The following AKAIN1 variants were observed in gnomAD, a reference collection of about 807,000 sequenced individuals.
AKAIN1 encodes the protein A-kinase anchor inhibitor 1.
In AKAIN1, 3 loss-of-function variants were observed where a neutral mutation model predicts 3.7. The observed-to-expected ratio is 0.82, with a 90% CI of 0.37 to 2.12. The LOEUF is 2.12. Among genes scored for constraint, AKAIN1 ranks in the 30% most tolerant of loss-of-function variants. The probability of loss-of-function intolerance (pLI) is 0.06; values close to 1 mark genes in which losing one functional copy is unlikely to be tolerated. For synonymous variants in AKAIN1, 31 were observed against 30.8 expected, an observed-to-expected ratio of 1.01 and a Z score of -0.02; for missense variants, 82 against 82.7, an observed-to-expected ratio of 0.99 and a Z score of 0.03.
At chr18:5,176,191 A>T (rs1368293973) in intron 1 of AKAIN1, among the ~76,000 whole-genome samples, 1 of 152,102 alleles carries the variant, frequency 6.6e-6, no homozygotes, top group Admixed American at 6.6e-5. Flanking sequence ...GTAATCCCAG[A>T]ACTTCAGGAG....
chr18:5,158,781 T>G (rs1598306945), intron 1 of AKAIN1, among the ~76,000 whole-genome samples: 1 of 152,242 alleles, frequency 6.6e-6, no homozygotes, highest in East Asian at 1.9e-4. Flanking sequence ...TCTGTAGTCA[T>G]GAGCCTGTGC....
chr18:5,162,855 T>G (rs2071147650), intron 1 of AKAIN1, among the ~76,000 whole-genome samples: 1 of 151,626 alleles, frequency 6.6e-6, no homozygotes. Flanking sequence ...ACAGGAAAGG[T>G]CAGGTCTAAG....
At chr18:5,189,941 T>C (rs952362324) in intron 1 of AKAIN1, among the ~76,000 whole-genome samples, 1 of 152,192 alleles carries the variant, frequency 6.6e-6, no homozygotes, top group African/African-American at 2.4e-5. Context: ...TTTTCTGTCT[T>C]AGTTCATTTG....
At chr18:5,159,174 CT>C (rs36002870) in intron 1 of AKAIN1, among the ~76,000 whole-genome samples, 23,111 of 146,250 alleles carry the variant, frequency 0.16, 1,974 homozygotes, top group Non-Finnish European at 0.2. Context: ...TGTTTTACGT[CT>C]TTTTTTTTTT....
At chr18:5,161,402 T>TCAC (rs1478495289) in intron 1 of AKAIN1, among the ~76,000 whole-genome samples, 2 of 152,164 alleles carry the variant, frequency 1.3e-5, no homozygotes, top group African/African-American at 4.8e-5. Flanking sequence ...TTCAGAAAAC[T>TCAC]CACCAACTTC....
intron 1 of AKAIN1, among the ~76,000 whole-genome samples, chr18:5,195,857 C>T (rs1376734073): frequency 6.6e-6 from 1 of 152,080 alleles, no homozygotes; most frequent in Non-Finnish European, 1.5e-5. Context: ...CCTGGGCATT[C>T]CTTTAAGGCG....
chr18:5,152,359 A>T (rs567247405), intron 1 of AKAIN1, among the ~76,000 whole-genome samples: 1 of 152,308 alleles, frequency 6.6e-6, no homozygotes, highest in East Asian at 1.9e-4. Context: ...TCGGTATGAG[A>T]ATGCAACATC....
intron 1 of AKAIN1, among the ~76,000 whole-genome samples, chr18:5,178,275 G>A (rs1271910747): frequency 1.3e-5 from 2 of 152,080 alleles, no homozygotes; most frequent in African/African-American, 4.8e-5. Context: ...GACAACCTGG[G>A]CATGGATGGT....
At chr18:5,178,310 G>A (rs532491421) in intron 1 of AKAIN1, among the ~76,000 whole-genome samples, 24 of 152,160 alleles carry the variant, frequency 1.6e-4, no homozygotes, top group Non-Finnish European at 3.4e-4. Flanking sequence ...ATACTCTGGA[G>A]GCTGAAGCAG....
intron 1 of AKAIN1, among the ~76,000 whole-genome samples, chr18:5,169,218 T>C (rs768990605): frequency 3.3e-5 from 5 of 152,122 alleles, no homozygotes; most frequent in Non-Finnish European, 5.9e-5. Flanking sequence ...CTTCAACTGG[T>C]TGGATAAGAC....
chr18:5,172,575 T>C (rs989419447), intron 1 of AKAIN1, among the ~76,000 whole-genome samples: 3 of 152,116 alleles, frequency 2.0e-5, no homozygotes, highest in Non-Finnish European at 4.4e-5. Context: ...ACATAATTTT[T>C]ATGTAACTAT....
At position 5,180,762 on chromosome 18, in the gene AKAIN1, A is replaced by T. The variant is rs138239739; in HGVS notation, c.16+16276T>A. ...ATAATTTCCTTTTTTATTCCCCCCA[A>T]AATGCAAAAATAAAATGGGAAGGCA... On this transcript the variant is annotated intron_variant, in intron 1 of 1. Transcript: ENST00000434239. Among the ~76,000 whole-genome samples the T allele has an allele frequency of 3.6e-3, 555 of 152,172 alleles. 3 individuals carry two copies. Among genetic ancestry groups the T allele is most frequent in the African/African-American group, 0.013 (528 of 41,540 alleles).
intron 1 of AKAIN1, among the ~76,000 whole-genome samples, chr18:5,167,154 T>C (rs1027769064): frequency 2.6e-5 from 4 of 152,122 alleles, no homozygotes; most frequent in Non-Finnish European, 4.4e-5. Context: ...AGAAGCCTGA[T>C]ACTTGATATA....
rs150673471 is a variant in AKAIN1 at position 5,162,625 on chromosome 18, C to CGTGTGT, written c.17-16876_17-16871dup. On this transcript the variant is annotated intron_variant, in intron 1 of 1. Transcript: ENST00000434239. ...ACTCTATGAAGAGTTCAATGTGATG[C>CGTGTGT]GTGTGTGTGTGTGTGTGTGTGTGTG... 1.3e-3 allele frequency among the ~76,000 whole-genome samples: 196 copies of CGTGTGT among 145,872 alleles called. 1 individual carries two copies. The highest frequency in any genetic ancestry group is 7.1e-3 in the Middle Eastern group (2 of 282).
chr18:5,160,653 T>C (rs751944749), intron 1 of AKAIN1, among the ~76,000 whole-genome samples: 2 of 152,188 alleles, frequency 1.3e-5, no homozygotes, highest in Non-Finnish European at 2.9e-5. Context: ...GAAGTTGTTC[T>C]CCTCTATTGT....
intron 1 of AKAIN1, among the ~76,000 whole-genome samples, chr18:5,164,400 C>T (rs936435811): frequency 1.3e-5 from 2 of 151,994 alleles, no homozygotes; most frequent in African/African-American, 4.8e-5. Context: ...GAAGATATAT[C>T]ACAATTTTGT....
chr18:5,194,694 AG>A (rs2071338521), intron 1 of AKAIN1, among the ~76,000 whole-genome samples: 1 of 152,222 alleles, frequency 6.6e-6, no homozygotes, highest in Admixed American at 6.5e-5. Flanking sequence ...TGTGTTTTGA[AG>A]GGCACAGTAC....
intron 1 of AKAIN1, among the ~76,000 whole-genome samples, chr18:5,196,277 C>T (rs530332688): frequency 6.6e-6 from 1 of 152,234 alleles, no homozygotes; most frequent in Non-Finnish European, 1.5e-5. Context: ...CGCTTTTCCC[C>T]GCTTCCTCGA....
intron 1 of AKAIN1, among the ~76,000 whole-genome samples, chr18:5,163,065 T>G (rs1188080105): frequency 6.6e-6 from 1 of 152,012 alleles, no homozygotes; most frequent in Non-Finnish European, 1.5e-5. Flanking sequence ...GGTGCAGGTT[T>G]CAGGCAGCCA....
Sources: gnomAD v4.1 joint callset for allele counts (sites outside exome capture counted in the v4.1 genomes callset) on GRCh38, gnomAD v4.1.1 for gene constraint, MANE v1.5 for transcripts, NCBI Gene and HGNC (gene_info 2026-07-23, HGNC 2026-07-21) for gene names.